The following CTBP2 variants were observed in gnomAD, a reference collection of about 807,000 sequenced individuals.
The protein encoded by CTBP2 is C-terminal-binding protein 2.
CTBP2 carries 30 observed loss-of-function variants against 80.3 expected under a neutral mutation model. The observed-to-expected ratio is 0.37, with a 90% CI of 0.28 to 0.51. The LOEUF is 0.51. CTBP2 is among the 20% of genes least tolerant of loss of function. The probability of loss-of-function intolerance (pLI) is 0.93; values close to 1 mark genes in which losing one functional copy is unlikely to be tolerated. For synonymous variants in CTBP2, 594 were observed against 587.4 expected, an observed-to-expected ratio of 1.01 and a Z score of -0.16; for missense variants, 1,212 against 1,375.3, an observed-to-expected ratio of 0.88 and a Z score of 1.88.
At chr10:125,128,933 C>A (rs1004736664) in intron 1 of CTBP2, among the ~76,000 whole-genome samples, 1 of 152,114 alleles carries the variant, frequency 6.6e-6, no homozygotes, top group Admixed American at 6.5e-5. Context: ...AAAGAAACTG[C>A]GGTCGAGTCA....
At position 124,994,649 on chromosome 10, in the gene CTBP2, C is replaced by A. The variant is rs958612432; in HGVS notation, c.2220G>T (p.Lys740Asn). The change falls in exon 5 of 9, where the codon AAG (lysine) becomes AAT (asparagine). Residue 740 changes from lysine (K) to asparagine (N), a missense_variant. Around this residue, in one of 3 missense-constraint regions of CTBP2, gnomAD observed 335 missense variants for 504.7 expected, o/e 0.66. Transcript: ENST00000309035. Reference sequence around the variant, plus strand: ...AAAATATGACGCTGAATCCAAAGGCCTTGGCTCGAACTGCAACCGCCTGCC... The same window carrying A: ...AAAATATGACGCTGAATCCAAAGGCATTGGCTCGAACTGCAACCGCCTGCC... The A allele has an allele frequency of 1.9e-6, 3 of 1,614,072 alleles. 1 individual carries two copies. In the African/African-American group the frequency reaches 4.0e-5, roughly 22 times the overall value.
At chr10:125,092,920 G>A (rs1214224046) in intron 2 of CTBP2, among the ~76,000 whole-genome samples, 1 of 152,092 alleles carries the variant, frequency 6.6e-6, no homozygotes, top group Non-Finnish European at 1.5e-5. Context: ...AGAGTGGGGG[G>A]GGGCAGCACG....
intron 1 of CTBP2, among the ~76,000 whole-genome samples, chr10:125,137,414 C>A (rs536287873): frequency 2.6e-4 from 39 of 152,254 alleles, no homozygotes; most frequent in African/African-American, 9.4e-4. Flanking sequence ...ATCTTGTCAA[C>A]CCCACCAAGG....
chr10:125,112,394 T>G (rs1852439875), intron 1 of CTBP2, among the ~76,000 whole-genome samples: 1 of 147,784 alleles, frequency 6.8e-6, no homozygotes. Flanking sequence ...ATTACAGGCG[T>G]GAGCCACCGC....
At chr10:125,086,613 T>TC in intron 2 of CTBP2, among the ~76,000 whole-genome samples, 1 of 116,458 alleles carries the variant, frequency 8.6e-6, no homozygotes, top group South Asian at 3.3e-4. Context: ...AAATTTTATT[T>TC]AAAAAAAAAA....
At chr10:125,021,845 T>C (rs1233339476) in intron 1 of CTBP2, among the ~76,000 whole-genome samples, 1 of 152,152 alleles carries the variant, frequency 6.6e-6, no homozygotes, top group African/African-American at 2.4e-5. Context: ...GTGTGTTCAA[T>C]GTTTTGCTAG....
intron 2 of CTBP2, among the ~76,000 whole-genome samples, chr10:125,104,523 G>T (rs1311952420): frequency 1.3e-5 from 2 of 152,112 alleles, no homozygotes; most frequent in Non-Finnish European, 2.9e-5. Flanking sequence ...TCACTGTTCG[G>T]GCTGCTTCTC....
chr10:125,100,021 C>A (rs192083324), intron 2 of CTBP2, among the ~76,000 whole-genome samples: 217 of 152,328 alleles, frequency 1.4e-3, no homozygotes, highest in African/African-American at 4.9e-3. Context: ...ATCTAGATCA[C>A]ACATAGACTC....
chr10:125,033,572 G>A (rs1958496633), intron 3 of CTBP2, among the ~76,000 whole-genome samples: 1 of 152,212 alleles, frequency 6.6e-6, no homozygotes, highest in East Asian at 1.9e-4. Context: ...GTTGAGCTGT[G>A]TGAAGCGCGC....
Position 125,027,091 on chromosome 10 carries a change from A to AG in CTBP2, c.668dup (p.Ala224CysfsTer53). 1 of 1,611,218 alleles carries AG rather than the reference A, an allele frequency of 6.2e-7. No homozygotes were observed. The highest frequency in any genetic ancestry group is 8.5e-7 in the Non-Finnish European group (1 of 1,178,160). On this transcript the variant is annotated frameshift_variant, in exon 1 of 9. Transcript: ENST00000309035. LOFTEE classifies it high-confidence loss of function. ...GGCACGTCGGGGCCACCTGTCTGGC[A>AG]GGGGCAGGGTCAATGGGTCTTTCGC... is the stretch of plus-strand genomic sequence containing the variant.
At chr10:125,094,151 G>T (rs1849196220) in intron 2 of CTBP2, among the ~76,000 whole-genome samples, 1 of 152,202 alleles carries the variant, frequency 6.6e-6, no homozygotes, top group Non-Finnish European at 1.5e-5. Flanking sequence ...AGGAAAGCAG[G>T]CGGTAAGTTA....
rs1233474953 is a variant in CTBP2, at chr10:125,084,085, C to T, written c.-102+26905G>A. On this transcript the variant is annotated intron_variant, in intron 2 of 10. Transcript: ENST00000337195. The stretch of plus-strand genomic sequence containing the variant: ...TGTGAGCCACGGCGCCTGGCCCCAG[C>T]TACGTTTTTTGATTTTTTGTAGAGA... 4.6e-5 allele frequency among the ~76,000 whole-genome samples: 7 copies of T among 152,220 alleles called. No individual in the cohort carries two copies. In the South Asian group the frequency reaches 1.5e-3, roughly 32 times the overall value.
At chr10:125,070,021 G>A (rs532610038) in intron 2 of CTBP2, among the ~76,000 whole-genome samples, 21 of 151,656 alleles carry the variant, frequency 1.4e-4, no homozygotes, top group Admixed American at 2.0e-4. Flanking sequence ...GAGCTCAGCA[G>A]TTTTATATAT....
At chr10:125,096,337 C>G (rs764251377) in intron 2 of CTBP2, among the ~76,000 whole-genome samples, 1 of 152,148 alleles carries the variant, frequency 6.6e-6, no homozygotes, top group Non-Finnish European at 1.5e-5. Context: ...GAAAAAATGT[C>G]TCCAAGTTAT....
chr10:124,992,465 A>C (rs112553010), intron 8 of CTBP2, among the ~76,000 whole-genome samples: 54 of 152,212 alleles, frequency 3.5e-4, no homozygotes, highest in African/African-American at 1.3e-3. Context: ...GTGGTCAATC[A>C]CATCTGACCG....
intron 2 of CTBP2, among the ~76,000 whole-genome samples, chr10:125,060,463 CGTGTGTGTGTGTGTGT>C (rs56032803): frequency 1.6e-4 from 24 of 147,968 alleles, no homozygotes; most frequent in South Asian, 2.2e-4. Context: ...ATTCCCCCCA[CGTGTGTGTGTGTGTGT>C]GTGTGTGTGT....
chr10:125,077,943 GGGA>G (rs1242985470), intron 2 of CTBP2, among the ~76,000 whole-genome samples: 1 of 152,164 alleles, frequency 6.6e-6, no homozygotes, highest in Non-Finnish European at 1.5e-5. Context: ...TGCTGATGGG[GGGA>G]GGTGGGGGCT....
chr10:125,010,219 T>TTAA (rs552007928), intron 1 of CTBP2, among the ~76,000 whole-genome samples: 1,345 of 105,982 alleles, frequency 0.013, 42 homozygotes, highest in African/African-American at 0.047. Flanking sequence ...ATTTTAAGGT[T>TTAA]AAAAAAAAAA....
chr10:125,038,882 A>C, intron 3 of CTBP2, 115 bp downstream of exon 3: 1 of 1,025,112 alleles, frequency 9.8e-7, no homozygotes, highest in Non-Finnish European at 1.5e-6. Flanking sequence ...CAGTGTTGGA[A>C]TCGGAGGAGG....
Sources: allele counts gnomAD v4.1 joint callset (sites outside exome capture counted in the v4.1 genomes callset), GRCh38; gene constraint gnomAD v4.1.1; regional missense constraint gnomAD v4.1.1; transcripts MANE v1.5; gene names NCBI Gene and HGNC (gene_info 2026-07-23, HGNC 2026-07-21).